The following GLIS3 variants were observed in gnomAD, a reference collection of about 807,000 sequenced individuals.
The protein encoded by GLIS3 is zinc finger protein GLIS3.
GLIS3 carries 53 observed loss-of-function variants against 78.6 expected under a neutral mutation model. That is an observed-to-expected ratio of 0.67 (90% CI 0.54 to 0.85). The LOEUF (loss-of-function observed/expected upper bound fraction) is 0.85. GLIS3 is among the 40% of genes least tolerant of loss of function. The pLI, the probability that GLIS3 is intolerant of heterozygous loss-of-function variation, is 0.00. For missense variants in GLIS3, 1,703 were observed against 1,231.1 expected (o/e 1.38, Z -5.74); for synonymous variants, 684 against 509.9 (o/e 1.34, Z -4.60).
At chr9:4,151,263 A>C (rs567164768) in intron 2 of GLIS3, among the ~76,000 whole-genome samples, 1 of 152,236 alleles carries the variant, frequency 6.6e-6, no homozygotes, top group Admixed American at 6.5e-5. Flanking sequence ...GACAAAATGT[A>C]TGACTCTTCA....
At chr9:4,045,770 G>C (rs1043870132) in intron 4 of GLIS3, among the ~76,000 whole-genome samples, 1 of 152,162 alleles carries the variant, frequency 6.6e-6, no homozygotes, top group African/African-American at 2.4e-5. Flanking sequence ...CACAGCTCTA[G>C]ATATTATGAG....
At chr9:4,342,847 G>T (rs1376518099) in intron 2 of GLIS3, among the ~76,000 whole-genome samples, 4 of 151,988 alleles carry the variant, frequency 2.6e-5, no homozygotes, top group Non-Finnish European at 5.9e-5. Flanking sequence ...TTTATTTTGT[G>T]TGTGTGGCTA....
At chr9:4,208,067 T>C (rs1820039806) in intron 2 of GLIS3, among the ~76,000 whole-genome samples, 1 of 152,204 alleles carries the variant, frequency 6.6e-6, no homozygotes, top group African/African-American at 2.4e-5. Context: ...TAACGTCACA[T>C]TAACCTCTTT....
At chr9:4,485,442 T>A in the GLIS3 span, among the ~76,000 whole-genome samples, 1 of 152,136 alleles carries the variant, frequency 6.6e-6, no homozygotes, top group Non-Finnish European at 1.5e-5. Flanking sequence ...AGGACCACTT[T>A]CCACACCCCT....
chr9:4,325,301 C>T (rs902968547), intron 2 of GLIS3, among the ~76,000 whole-genome samples: 2 of 152,182 alleles, frequency 1.3e-5, no homozygotes, highest in Non-Finnish European at 2.9e-5. Context: ...ACAAGTTCCC[C>T]TTGAAACCAC....
chr9:4,340,406 A>G (rs945959431), intron 2 of GLIS3, among the ~76,000 whole-genome samples: 1 of 152,146 alleles, frequency 6.6e-6, no homozygotes, highest in Admixed American at 6.5e-5. Flanking sequence ...CCCAATTAAA[A>G]GGCAACTCAA....
the GLIS3 span, among the ~76,000 whole-genome samples, chr9:4,372,513 C>T: frequency 1.2e-4 from 17 of 146,338 alleles, no homozygotes; most frequent in African/African-American, 4.3e-4. Flanking sequence ...CTGGCTTTTA[C>T]ACTTCAGGAG....
At chr9:4,475,617 G>A in the GLIS3 span, among the ~76,000 whole-genome samples, 1 of 152,136 alleles carries the variant, frequency 6.6e-6, no homozygotes, top group Admixed American at 6.6e-5. Flanking sequence ...GAAATATTAA[G>A]TAGAAAAAGA....
intron 2 of GLIS3, among the ~76,000 whole-genome samples, chr9:4,319,920 G>T (rs1048500965): frequency 3.9e-5 from 6 of 152,052 alleles, no homozygotes; most frequent in Non-Finnish European, 7.4e-5. Flanking sequence ...GTCTACGCAT[G>T]GCTCACAGAT....
the GLIS3 span, among the ~76,000 whole-genome samples, chr9:4,384,199 G>T: frequency 6.6e-6 from 1 of 152,188 alleles, no homozygotes; most frequent in African/African-American, 2.4e-5. Flanking sequence ...GAGCACACTG[G>T]TGGTGAACAC....
At chr9:4,282,867 C>G (rs898483382) in intron 2 of GLIS3, among the ~76,000 whole-genome samples, 1 of 152,086 alleles carries the variant, frequency 6.6e-6, no homozygotes, top group African/African-American at 2.4e-5. Context: ...AAAATGGATC[C>G]AAACTCCTTG....
chr9:3,857,789 A>G (rs1375988062), intron 8 of GLIS3, among the ~76,000 whole-genome samples: 1 of 152,200 alleles, frequency 6.6e-6, no homozygotes, highest in Non-Finnish European at 1.5e-5. Context: ...TTGAGAGAAA[A>G]CACAGCAAAC....
At chr9:3,901,286 G>A (rs1333582437) in intron 6 of GLIS3, 1 of 161,002 alleles carries the variant, frequency 6.2e-6, no homozygotes, top group South Asian at 1.8e-4. Context: ...TTAGGCACGC[G>A]CTTAACACTT....
chr9:4,338,389 TAC>T (rs202090144), intron 2 of GLIS3, among the ~76,000 whole-genome samples: 2,767 of 147,326 alleles, frequency 0.019, 72 homozygotes, highest in African/African-American at 0.063. Flanking sequence ...CACACACACA[TAC>T]ACACACACAC....
intron 6 of GLIS3, among the ~76,000 whole-genome samples, chr9:3,930,186 C>T (rs978127142): frequency 3.4e-4 from 52 of 152,294 alleles, no homozygotes; most frequent in African/African-American, 1.1e-3. Context: ...AGGCTAAAAT[C>T]GGAAAGTAAA....
the GLIS3 span, among the ~76,000 whole-genome samples, chr9:4,361,553 G>T: frequency 6.6e-6 from 1 of 152,192 alleles, no homozygotes; most frequent in Non-Finnish European, 1.5e-5. Flanking sequence ...AGGCTGTGGT[G>T]TATTAACCAC....
chr9:4,144,370 C>T (rs868132979), intron 2 of GLIS3, among the ~76,000 whole-genome samples: 1 of 152,242 alleles, frequency 6.6e-6, no homozygotes, highest in Middle Eastern at 3.4e-3. Flanking sequence ...ATGCATTTTA[C>T]TAAATGCATG....
At chr9:3,933,695 A>T (rs1825742985) in intron 5 of GLIS3, among the ~76,000 whole-genome samples, 1 of 152,122 alleles carries the variant, frequency 6.6e-6, no homozygotes, top group Non-Finnish European at 1.5e-5. Flanking sequence ...GTTATAGTAA[A>T]AACAAACAAA....
chr9:4,266,834 T>C (rs934778751), intron 2 of GLIS3, among the ~76,000 whole-genome samples: 3 of 152,232 alleles, frequency 2.0e-5, no homozygotes, highest in Non-Finnish European at 2.9e-5. Context: ...ACTATTCTTT[T>C]CTTCTAAATT....
Sources: gnomAD v4.1 joint callset for allele counts (sites outside exome capture counted in the v4.1 genomes callset) on GRCh38, gnomAD v4.1.1 for gene constraint, MANE v1.5 for transcripts, NCBI Gene and HGNC (gene_info 2026-07-23, HGNC 2026-07-21) for gene names.